The following NECAB2 variants were observed in gnomAD, a reference collection of about 807,000 sequenced individuals.
NECAB2 encodes N-terminal EF-hand calcium-binding protein 2.
In NECAB2, 68 loss-of-function variants were observed where a neutral mutation model predicts 51.9. The observed-to-expected ratio is 1.31, with a 90% CI of 1.08 to 1.60. The LOEUF is 1.60. Among genes scored for constraint, NECAB2 ranks in the 40% most tolerant of loss-of-function variants. The pLI is 0.00. For synonymous variants in NECAB2, 329 were observed against 203.5 expected (o/e 1.62, Z -5.25); for missense variants, 854 against 490.3 (o/e 1.74, Z -7.00).
chr16:84,001,652 A>G (rs918065426), intron 11 of NECAB2, among the ~76,000 whole-genome samples, 173 bp from the exon 12 acceptor site: 12 of 151,646 alleles, frequency 7.9e-5, no homozygotes, highest in Non-Finnish European at 1.2e-4. Flanking sequence ...TGCCCACCCC[A>G]GAGTCAGCCT....
intron 1 of NECAB2, among the ~76,000 whole-genome samples, chr16:83,969,075 C>T (rs976092372): frequency 1.3e-5 from 2 of 151,774 alleles, no homozygotes; most frequent in East Asian, 3.9e-4. Context: ...CTCCTCCGCC[C>T]CTCCACCGGC....
chr16:84,001,812 C>T lies in NECAB2; in HGVS notation c.1041-13C>T, dbSNP rs554569258. On this transcript the variant is annotated splice_polypyrimidine_tract_variant and intron_variant, in intron 11 of 12. Coordinates refer to ENST00000305202, the MANE Select transcript of NECAB2 (RefSeq NM_019065.3). Reference sequence around the variant, plus strand: ...CCTGCCACCCCTGACTCACACATGTCCCTGCGTCACAGGCACCTGCAGAGC... The same window carrying T: ...CCTGCCACCCCTGACTCACACATGTTCCTGCGTCACAGGCACCTGCAGAGC... 5.6e-6 allele frequency: 9 copies of T among 1,613,862 alleles called. No homozygotes were observed. The East Asian group carries it at 1.1e-4, about 20-fold the overall frequency.
At chr16:83,983,913 T>A (rs2084519013) in intron 5 of NECAB2, among the ~76,000 whole-genome samples, 1 of 152,078 alleles carries the variant, frequency 6.6e-6, no homozygotes, top group East Asian at 1.9e-4. Flanking sequence ...GAGGGGATGA[T>A]TTTCATAGTT....
intron 8 of NECAB2, 106 bp from the exon 9 acceptor site, chr16:83,997,110 C>T (rs1027179306): frequency 4.3e-5 from 58 of 1,338,782 alleles, no homozygotes; most frequent in African/African-American, 7.4e-5. Flanking sequence ...GCAACAGGGC[C>T]GGGTCCTTGG....
chr16:83,966,321 G>A, upstream of NECAB2: 2 of 421,218 alleles, frequency 4.7e-6, no homozygotes, highest in East Asian at 3.9e-5. Context: ...AATAAAGCCA[G>A]TGCCCACCTG....
At chr16:83,990,735 C>A in intron 6 of NECAB2, 105 bp downstream of exon 6, 2 of 1,470,762 alleles carry the variant, frequency 1.4e-6, no homozygotes, top group Non-Finnish European at 1.8e-6. Context: ...AGCTGGGTGA[C>A]CTTGGGCAAG....
At chr16:83,991,057 C>G (rs1456106538) in intron 6 of NECAB2, among the ~76,000 whole-genome samples, 4 of 152,152 alleles carry the variant, frequency 2.6e-5, no homozygotes, top group African/African-American at 9.7e-5. Context: ...TTTTGGCTCA[C>G]TACAACCTCT....
Position 84,002,652 on chromosome 16 carries a change from C to G in NECAB2, c.*306C>G, listed in dbSNP as rs781622714. On this transcript the variant is annotated 3_prime_UTR_variant, in exon 13 of 13. Transcript: ENST00000305202. Reference sequence around the variant, plus strand: ...CTCACATGGCCACGCATGACCCACACTGACCACACCCTGCCCTCTTCGGTG... The same window carrying G: ...CTCACATGGCCACGCATGACCCACAGTGACCACACCCTGCCCTCTTCGGTG... The G allele has an allele frequency of 9.1e-5, 46 of 506,556 alleles. No homozygotes were observed. The highest frequency in any genetic ancestry group is 1.5e-4 in the Non-Finnish European group (43 of 279,360). The allele number at this position is 506,556 out of a possible 1,614,324, so 31.4% of individuals were successfully genotyped here. A position where few individuals can be genotyped will look rare whatever the true frequency, so the allele number is the denominator to read the frequency against.
At chr16:83,989,245 G>A (rs1164637892) in intron 5 of NECAB2, among the ~76,000 whole-genome samples, 3 of 152,160 alleles carry the variant, frequency 2.0e-5, no homozygotes, top group African/African-American at 7.2e-5. Flanking sequence ...GCGGGAACCT[G>A]CCAAGCTGTA....
intron 12 of NECAB2, 145 bp from the exon 13 acceptor site, chr16:84,002,173 T>C (rs911326887): frequency 6.2e-6 from 7 of 1,124,460 alleles, no homozygotes; most frequent in Admixed American, 3.4e-5. Context: ...AGGTGTGTGG[T>C]TTGCACCTGG....
upstream of NECAB2, among the ~76,000 whole-genome samples, chr16:83,967,982 A>G (rs1412269695): frequency 6.3e-5 from 9 of 143,274 alleles, no homozygotes; most frequent in Admixed American, 3.4e-4. Context: ...AGGCAGGTGG[A>G]TGGATGGATG....
At chr16:83,969,305 C>T (rs1457003293) in intron 1 of NECAB2, among the ~76,000 whole-genome samples, 2 of 152,168 alleles carry the variant, frequency 1.3e-5, no homozygotes, top group South Asian at 4.2e-4. Context: ...CACCTCTCTT[C>T]GCCCTAGACC....
rs117393926 is a variant in NECAB2, at chr16:83,979,380, C to T, written c.335+828C>T. 5.3e-4 allele frequency among the ~76,000 whole-genome samples: 81 copies of T among 152,316 alleles called. No individual in the cohort carries two copies. The East Asian group carries it at 0.015, about 28-fold the overall frequency. On this transcript the variant is annotated intron_variant, in intron 3 of 12. Coordinates refer to ENST00000305202, the MANE Select transcript of NECAB2 (RefSeq NM_019065.3). ...GTCTGGACAAGGAGCTACCACCAAA[C>T]CAGTGTGCAAGGGGTAGAGTACAGT...
chr16:83,979,240 G>A (rs115052875), intron 3 of NECAB2, among the ~76,000 whole-genome samples: 1 of 152,210 alleles, frequency 6.6e-6, no homozygotes, highest in Non-Finnish European at 1.5e-5. Context: ...GGAGGGATCA[G>A]AGCCCCACCT....
At chr16:83,980,795 C>T (rs758016655) in intron 3 of NECAB2, 44 bp from the exon 4 acceptor site, 2 of 1,555,294 alleles carry the variant, frequency 1.3e-6, no homozygotes, top group African/African-American at 1.4e-5. Context: ...CCTGCTAACC[C>T]CCTCTCTGTC....
intron 5 of NECAB2, among the ~76,000 whole-genome samples, chr16:83,986,633 C>A (rs1485693803): frequency 1.1e-4 from 17 of 152,010 alleles, no homozygotes; most frequent in Admixed American, 8.5e-4. Flanking sequence ...CCACTTTAGC[C>A]TTCCAAGTAG....
At chr16:83,991,214 C>G (rs936419950) in intron 6 of NECAB2, among the ~76,000 whole-genome samples, 4 of 151,598 alleles carry the variant, frequency 2.6e-5, no homozygotes, top group African/African-American at 4.8e-5. Context: ...AACTCCTGGC[C>G]TCACGTGATC....
At chr16:83,980,455 A>T (rs2084471761) in intron 3 of NECAB2, among the ~76,000 whole-genome samples, 1 of 152,144 alleles carries the variant, frequency 6.6e-6, no homozygotes, top group South Asian at 2.1e-4. Context: ...CCCAGCAGGC[A>T]GGGTCGACTG....
At chr16:83,994,036 C>G (rs1271704463) in intron 6 of NECAB2, among the ~76,000 whole-genome samples, 1 of 152,198 alleles carries the variant, frequency 6.6e-6, no homozygotes, top group East Asian at 1.9e-4. Flanking sequence ...GGAACTGAAT[C>G]TCTTGGGGAA....
Sources: gnomAD v4.1 joint callset for allele counts (sites outside exome capture counted in the v4.1 genomes callset) on GRCh38, gnomAD v4.1.1 for gene constraint, MANE v1.5 for transcripts, NCBI Gene and HGNC (gene_info 2026-07-23, HGNC 2026-07-21) for gene names.